The following MYT1L variants were observed in gnomAD, a reference collection of about 807,000 sequenced individuals.
The protein encoded by MYT1L is myelin transcription factor 1-like protein.
A neutral mutation model predicts 126.7 loss-of-function variants in MYT1L; 12 were observed. That is an observed-to-expected ratio of 0.09 (90% CI 0.06 to 0.15). MYT1L has a LOEUF of 0.15. Ranked by LOEUF, MYT1L falls within the 10% of genes least tolerant of loss-of-function variation. MYT1L has a pLI of 1.00. For missense variants in MYT1L, 979 were observed against 1,585.2 expected, an observed-to-expected ratio of 0.62 and a Z score of 6.49; for synonymous variants, 541 against 604.2, an observed-to-expected ratio of 0.90 and a Z score of 1.53.
Position 1,892,059 on chromosome 2 carries a change from G to A in MYT1L, c.2261C>T (p.Pro754Leu). The A allele has an allele frequency of 1.3e-6, 2 of 1,537,884 alleles. No homozygotes were observed. The highest frequency in any genetic ancestry group is 2.0e-5 in the Admixed American group (1 of 50,896). ...TACCCGCGTGGCGCACAGGTCCTGC[G>A]GCTTGGTGCTCAGGTTCTGCGGCAT... ...REMPQNLSTK[P>L]QDLCATRNPD... is the part of the protein sequence containing the mutation. Residue 754 changes from proline to leucine, a missense_variant, in exon 15 of 25, where the codon CCG (proline) becomes CTG (leucine). This residue lies in a region of MYT1L where 28 missense variants were observed against 66.6 expected (regional missense o/e 0.42). Coordinates refer to ENST00000647738, the MANE Select transcript of MYT1L (RefSeq NM_001303052.2).
intron 3 of MYT1L, among the ~76,000 whole-genome samples, chr2:2,073,756 A>G (rs2074898607): frequency 6.6e-6 from 1 of 152,036 alleles, no homozygotes; most frequent in African/African-American, 2.4e-5. Context: ...TCCACGTTTG[A>G]CTTCCTCTTG....
At chr2:2,122,458 T>A (rs969037550) in intron 3 of MYT1L, among the ~76,000 whole-genome samples, 5 of 152,138 alleles carry the variant, frequency 3.3e-5, no homozygotes, top group Non-Finnish European at 5.9e-5. Context: ...GGCATTAGAC[T>A]ACACGAAGGG....
At position 1,790,846 on chromosome 2, in the gene MYT1L, T is replaced by G. The variant is rs900604032; in HGVS notation, c.*1021A>C. The G allele has an allele frequency of 6.2e-6, 1 of 161,058 alleles. No homozygotes were observed. The highest frequency in any genetic ancestry group is 1.8e-4 in the East Asian group (1 of 5,636). 10.0% of individuals were successfully genotyped at this position (161,058 alleles called of 1,614,324 possible). On this transcript the variant is annotated 3_prime_UTR_variant, in exon 25 of 25. Coordinates refer to ENST00000647738, the MANE Select transcript of MYT1L (RefSeq NM_001303052.2). ...AACAATAATAGGAATAATCATAATT[T>G]TTTAAAGTGAAAAGGGGAAATAAAT...
chr2:2,164,411 G>A (rs2088642203), intron 3 of MYT1L, among the ~76,000 whole-genome samples: 1 of 152,084 alleles, frequency 6.6e-6, no homozygotes, highest in Non-Finnish European at 1.5e-5. Context: ...ATCCTGTTTG[G>A]ATGAGGGTGG....
In MYT1L at chr2:2,298,229, A is replaced by C. The variant is rs149008398; in HGVS notation, c.-520-13726T>G. On this transcript the variant is annotated intron_variant, in intron 1 of 24. Coordinates refer to ENST00000647738, the MANE Select transcript of MYT1L (RefSeq NM_001303052.2). The stretch of plus-strand genomic sequence containing the variant: ...CCTCAGTTGTTGGCCTCTGAGGCCC[A>C]TATACGTGGAAGATTCTGGGAGGAT... 6.7e-3 allele frequency among the ~76,000 whole-genome samples: 1,024 copies of C among 152,356 alleles called. 14 individuals are homozygous for C. Among genetic ancestry groups the C allele is most frequent in the African/African-American group, 0.023 (954 of 41,586 alleles).
intron 18 of MYT1L, among the ~76,000 whole-genome samples, chr2:1,859,326 T>C (rs1242383574): frequency 6.6e-6 from 1 of 152,220 alleles, no homozygotes; most frequent in African/African-American, 2.4e-5. Flanking sequence ...CTTTTCTTTT[T>C]AAATTACACT....
chr2:2,266,124 A>G (rs1180094142), intron 2 of MYT1L, among the ~76,000 whole-genome samples: 1 of 152,216 alleles, frequency 6.6e-6, no homozygotes, highest in Non-Finnish European at 1.5e-5. Context: ...TTCAGTCTTC[A>G]CAATAGCTCT....
intron 1 of MYT1L, among the ~76,000 whole-genome samples, chr2:2,293,588 G>A (rs905544601): frequency 3.3e-5 from 5 of 152,144 alleles, no homozygotes; most frequent in African/African-American, 9.7e-5. Context: ...GGGGGTCCCC[G>A]GGGAACAAAA....
chr2:2,153,074 G>A (rs2086081078), intron 3 of MYT1L, among the ~76,000 whole-genome samples: 1 of 152,088 alleles, frequency 6.6e-6, no homozygotes, highest in Non-Finnish European at 1.5e-5. Context: ...AAGGTGGGAG[G>A]GTTGCTTGAG....
intron 21 of MYT1L, among the ~76,000 whole-genome samples, chr2:1,821,095 G>C (rs1218595408): frequency 6.6e-6 from 1 of 152,060 alleles, no homozygotes; most frequent in Non-Finnish European, 1.5e-5. Flanking sequence ...AAATCCTACT[G>C]GTCCTGCTTC....
rs562294869 is a variant in MYT1L, at chr2:2,183,747, A to AAGGG, written c.-420-10763_-420-10760dup. ...GGAGATATAACTAAAAGAAGGAAGG[A>AAGGG]AGGGAGGGAGGGAAGGAGGGAGAGG... On this transcript the variant is annotated intron_variant, in intron 2 of 24. Coordinates refer to ENST00000647738, the MANE Select transcript of MYT1L (RefSeq NM_001303052.2). 6.4e-3 allele frequency among the ~76,000 whole-genome samples: 968 copies of AAGGG among 150,496 alleles called. 4 individuals carry two copies. Among genetic ancestry groups the AAGGG allele is most frequent in the Middle Eastern group, 0.017 (5 of 294 alleles).
intron 4 of MYT1L, among the ~76,000 whole-genome samples, chr2:2,015,123 T>C (rs1043705995): frequency 6.6e-6 from 1 of 152,158 alleles, no homozygotes; most frequent in Non-Finnish European, 1.5e-5. Context: ...GGATGAATCA[T>C]AAGCTCGACC....
intron 3 of MYT1L, among the ~76,000 whole-genome samples, chr2:2,109,911 A>ATATC (rs2079212900): frequency 8.3e-6 from 1 of 120,332 alleles, no homozygotes; most frequent in African/African-American, 3.0e-5. Context: ...ATATATATAT[A>ATATC]TATATATATA....
intron 3 of MYT1L, among the ~76,000 whole-genome samples, chr2:2,116,995 T>C (rs906134442): frequency 1.3e-5 from 2 of 152,184 alleles, no homozygotes; most frequent in Non-Finnish European, 2.9e-5. Context: ...GGGAGAGCTA[T>C]GAGAAAGAAG....
At chr2:2,208,216 G>A (rs893862779) in intron 2 of MYT1L, among the ~76,000 whole-genome samples, 46 of 152,312 alleles carry the variant, frequency 3.0e-4, no homozygotes, top group African/African-American at 1.1e-3. Flanking sequence ...GCTGCAAAAG[G>A]ACACTGGGTT....
At chr2:2,078,346 T>C (rs920795533) in intron 3 of MYT1L, among the ~76,000 whole-genome samples, 12 of 152,264 alleles carry the variant, frequency 7.9e-5, no homozygotes, top group African/African-American at 2.9e-4. Context: ...TATCAATAAT[T>C]ACATTAAATA....
chr2:1,997,867 CA>C (rs1182310698), intron 4 of MYT1L, among the ~76,000 whole-genome samples: 2 of 152,198 alleles, frequency 1.3e-5, no homozygotes, highest in African/African-American at 4.8e-5. Flanking sequence ...AAAAACCTTA[CA>C]AAACACTTTC....
At chr2:2,038,449 C>A (rs1025084577) in intron 4 of MYT1L, among the ~76,000 whole-genome samples, 8 of 152,098 alleles carry the variant, frequency 5.3e-5, no homozygotes, top group Non-Finnish European at 1.2e-4. Context: ...GCCATCACCA[C>A]CCTCCTTCAA....
At chr2:2,124,943 C>T (rs1199856850) in intron 3 of MYT1L, among the ~76,000 whole-genome samples, 1 of 152,186 alleles carries the variant, frequency 6.6e-6, no homozygotes, top group Non-Finnish European at 1.5e-5. Context: ...TCAACAAATA[C>T]AATTTACCAC....
Sources: allele counts gnomAD v4.1 joint callset (sites outside exome capture counted in the v4.1 genomes callset), GRCh38; gene constraint gnomAD v4.1.1; regional missense constraint gnomAD v4.1.1; transcripts MANE v1.5; gene names NCBI Gene and HGNC (gene_info 2026-07-23, HGNC 2026-07-21).